Variants in RAB3GAP2 observed in about 807,000 individuals in gnomAD.
RAB3GAP2 encodes the protein rab3 GTPase-activating protein non-catalytic subunit.
A neutral mutation model predicts 185.3 loss-of-function variants in RAB3GAP2; 87 were observed. That is an observed-to-expected ratio of 0.47 (90% confidence interval 0.39 to 0.56). The LOEUF (loss-of-function observed/expected upper bound fraction) is 0.56. RAB3GAP2 is among the 20% of genes least tolerant of loss of function. The probability of loss-of-function intolerance (pLI) is 0.00; values close to 1 mark genes in which losing one functional copy is unlikely to be tolerated. For missense variants in RAB3GAP2, 1,492 were observed against 1,638.2 expected (o/e 0.91, Z 1.54); for synonymous variants, 554 against 576.1 (o/e 0.96, Z 0.55).
At chr1:220,213,223 A>C (rs956671862) in intron 3 of RAB3GAP2, among the ~76,000 whole-genome samples, 5 of 152,166 alleles carry the variant, frequency 3.3e-5, no homozygotes, top group Non-Finnish European at 5.9e-5. Flanking sequence ...TTCTTGTAGA[A>C]TAAAGTTATT....
rs1658720820 is a variant in RAB3GAP2, at chr1:220,196,249, C to T, written c.960+1G>A. The T allele has an allele frequency of 6.2e-7, 1 of 1,612,680 alleles. No individual in the cohort carries two copies. On this transcript the variant is annotated splice_donor_variant, in intron 10 of 34. Coordinates refer to ENST00000358951, the MANE Select transcript of RAB3GAP2 (RefSeq NM_012414.4). LOFTEE classifies it high-confidence loss of function. ...CTCATGATCATTGATAAAACTCATA[C>T]CTCTAAAGCATAGAAGAAGCCAGTA...
chr1:220,173,699 C>T (rs1372049083), intron 21 of RAB3GAP2, among the ~76,000 whole-genome samples: 1 of 152,064 alleles, frequency 6.6e-6, no homozygotes, highest in Non-Finnish European at 1.5e-5. Context: ...GAAATAAGCT[C>T]ATACGGGAAA....
intron 24 of RAB3GAP2, among the ~76,000 whole-genome samples, chr1:220,170,576 T>C (rs1314895565): frequency 1.3e-5 from 2 of 152,150 alleles, no homozygotes; most frequent in African/African-American, 2.4e-5. Flanking sequence ...TGTGTTTTGG[T>C]TGAAGTATAA....
rs745605598 is a variant in RAB3GAP2, at chr1:220,149,213, A to AAGTC, written c.*2034_*2037dup. 2.7e-4 allele frequency: 41 copies of AAGTC among 152,196 alleles called. No individual in the cohort carries two copies. The highest frequency in any genetic ancestry group is 5.3e-4 in the Non-Finnish European group (36 of 68,034). The allele number at this position is 152,196 out of a possible 1,614,324, so 9.4% of individuals were successfully genotyped here. ...ATTTAACTGCTTTTCTTAACCATAC[A>AAGTC]AGTCAGAATTAGATTTTAAAATTCT... On this transcript the variant is annotated 3_prime_UTR_variant, in exon 35 of 35. Coordinates refer to ENST00000358951, the MANE Select transcript of RAB3GAP2 (RefSeq NM_012414.4).
At position 220,190,537 on chromosome 1, in the gene RAB3GAP2, C is replaced by T; in HGVS notation, c.1488-17G>A. ...TACAGCAGCCTAAAGAAATCACATA[C>T]CAATATGGTAAAAATATTAGAACAA... On this transcript the variant is annotated splice_polypyrimidine_tract_variant and intron_variant, in intron 14 of 34. Coordinates refer to ENST00000358951, the MANE Select transcript of RAB3GAP2 (RefSeq NM_012414.4). 6.4e-7 allele frequency: 1 copy of T among 1,574,732 alleles called. No individual in the cohort carries two copies. Among genetic ancestry groups the T allele is most frequent in the Non-Finnish European group, 8.7e-7 (1 of 1,144,288 alleles).
intron 3 of RAB3GAP2, 59 bp downstream of exon 3, chr1:220,213,797 A>G: frequency 6.5e-7 from 1 of 1,550,200 alleles, no homozygotes; most frequent in Non-Finnish European, 8.9e-7. Context: ...CACCTAATCC[A>G]TTTTCTCTTC....
chr1:220,173,814 A>AT (rs1420314936), intron 21 of RAB3GAP2, among the ~76,000 whole-genome samples: 1 of 152,170 alleles, frequency 6.6e-6, no homozygotes, highest in African/African-American at 2.4e-5. Flanking sequence ...AGGTCAGGAG[A>AT]TTGAGACCAT....
intron 28 of RAB3GAP2, among the ~76,000 whole-genome samples, chr1:220,159,655 T>C (rs1207586926): frequency 6.6e-6 from 1 of 152,136 alleles, no homozygotes; most frequent in Non-Finnish European, 1.5e-5. Context: ...ATAAATTACA[T>C]ATTTCTGAAC....
Position 220,153,950 on chromosome 1 carries a change from C to T in RAB3GAP2, c.3645+18G>A, listed in dbSNP as rs1238924269. ...TTTTTCCAAGAAACAAAAACAAAATCCAATAGCTATAATTTACCTGTTGTC... is the reference window on the plus strand; with the variant it reads ...TTTTTCCAAGAAACAAAAACAAAATTCAATAGCTATAATTTACCTGTTGTC... On this transcript the variant is annotated intron_variant, in intron 32 of 34. Transcript: ENST00000358951. 6.2e-7 allele frequency: 1 copy of T among 1,611,868 alleles called. No homozygotes were observed. Among genetic ancestry groups the T allele is most frequent in the African/African-American group, 1.3e-5 (1 of 74,794 alleles).
intron 2 of RAB3GAP2, among the ~76,000 whole-genome samples, chr1:220,217,422 C>T (rs569104076): frequency 3.3e-5 from 5 of 151,904 alleles, no homozygotes; most frequent in Middle Eastern, 3.4e-3. Context: ...AAATACTTTC[C>T]CTCTCCTTTC....
In RAB3GAP2 at chr1:220,210,828, A is replaced by G; in HGVS notation, c.483T>C (p.Thr161=). 4 of 1,613,734 alleles carry G rather than the reference A, an allele frequency of 2.5e-6. No homozygotes were observed. Among genetic ancestry groups the G allele is most frequent in the South Asian group, 2.2e-5 (2 of 91,052 alleles). ...PDWTCIVVGF[T]SGYVRFYTEN... ...CAGTGTAGAAGCGTACATAACCTGA[A>G]GTAAAACCCACCACAATGCAGGTCC... Residue 161 remains threonine, a synonymous_variant, in exon 6 of 35, where the codon ACT becomes ACC. Transcript: ENST00000358951.
In RAB3GAP2 at chr1:220,232,949, A is replaced by G. The variant is rs10863538; in HGVS notation, c.116-86T>C. 0.37 allele frequency: 408,437 copies of G among 1,092,776 alleles called. 82,576 individuals are homozygous for G. The highest frequency in any genetic ancestry group is 0.71 in the African/African-American group (45,904 of 64,486). The allele number at this position is 1,092,776 out of a possible 1,614,324, so 67.7% of individuals were successfully genotyped here. A position where few individuals can be genotyped will look rare whatever the true frequency, so the allele number is the denominator to read the frequency against. On this transcript the variant is annotated intron_variant, in intron 1 of 34. Coordinates refer to ENST00000358951, the MANE Select transcript of RAB3GAP2 (RefSeq NM_012414.4). The stretch of plus-strand genomic sequence containing the variant: ...CATTTTTTCTAAACATCATAGAACC[A>G]ACCCCTGTATAATGCTGATATTAAG...
chr1:220,175,056 T>C (rs1438469837), intron 21 of RAB3GAP2, among the ~76,000 whole-genome samples: 4 of 152,168 alleles, frequency 2.6e-5, no homozygotes, highest in Non-Finnish European at 4.4e-5. Flanking sequence ...TCTCGCTGTT[T>C]TATGTGCATG....
chr1:220,248,030 C>T (rs1173491441), intron 1 of RAB3GAP2, among the ~76,000 whole-genome samples: 1 of 151,604 alleles, frequency 6.6e-6, no homozygotes, highest in Non-Finnish European at 1.5e-5. Context: ...ATTATGAGAT[C>T]CAGGTCACAA....
At position 220,149,286 on chromosome 1, in the gene RAB3GAP2, T is replaced by C. The variant is rs977841154; in HGVS notation, c.*1965A>G. 1 of 152,156 alleles carries C rather than the reference T, an allele frequency of 6.6e-6. No homozygotes were observed. Among genetic ancestry groups the C allele is most frequent in the African/African-American group, 2.4e-5 (1 of 41,432 alleles). The allele number at this position is 152,156 out of a possible 1,614,324, so 9.4% of individuals were successfully genotyped here. A position where few individuals can be genotyped will look rare whatever the true frequency, so the allele number is the denominator to read the frequency against. Reference sequence around the variant, plus strand: ...ATCTAACTAGAGACTTAATGATTTGTGTTAGGATTCTGTGAGCCATACTTC... The same window carrying C: ...ATCTAACTAGAGACTTAATGATTTGCGTTAGGATTCTGTGAGCCATACTTC... On this transcript the variant is annotated 3_prime_UTR_variant, in exon 35 of 35. Coordinates refer to ENST00000358951, the MANE Select transcript of RAB3GAP2 (RefSeq NM_012414.4).
At chr1:220,157,205 G>T in intron 31 of RAB3GAP2, 65 bp downstream of exon 31, 1 of 1,377,754 alleles carries the variant, frequency 7.3e-7, no homozygotes, top group South Asian at 1.2e-5. Flanking sequence ...TATTAAATAT[G>T]AAAATCCATG....
At chr1:220,165,357 A>G (rs1325594071) in intron 26 of RAB3GAP2, among the ~76,000 whole-genome samples, 1 of 151,812 alleles carries the variant, frequency 6.6e-6, no homozygotes, top group Admixed American at 6.6e-5. Context: ...ACATTAAAGC[A>G]GGAAGGAAAT....
intron 26 of RAB3GAP2, among the ~76,000 whole-genome samples, chr1:220,165,066 T>C (rs1658039733): frequency 6.6e-6 from 1 of 151,784 alleles, no homozygotes; most frequent in East Asian, 1.9e-4. Context: ...TTGAACATCA[T>C]AGCAATATTC....
At chr1:220,258,980 T>C (rs1468097078) in intron 1 of RAB3GAP2, among the ~76,000 whole-genome samples, 2 of 152,294 alleles carry the variant, frequency 1.3e-5, no homozygotes, top group South Asian at 2.1e-4. Flanking sequence ...CTCCCATTCA[T>C]GACTGCTACA....
Sources: allele counts gnomAD v4.1 joint callset (sites outside exome capture counted in the v4.1 genomes callset), GRCh38; gene constraint gnomAD v4.1.1; transcripts MANE v1.5; gene names NCBI Gene and HGNC (gene_info 2026-07-23, HGNC 2026-07-21).